Variants in AGAP1 observed in about 807,000 individuals in gnomAD.
AGAP1 encodes the protein arf-GAP with GTPase, ANK repeat and PH domain-containing protein 1.
Under a neutral mutation model 105.3 loss-of-function variants are expected in AGAP1, and 29 were observed. That is an observed-to-expected ratio of 0.28 (90% confidence interval 0.21 to 0.38). The LOEUF (loss-of-function observed/expected upper bound fraction) is 0.38. AGAP1 is among the 10% of genes least tolerant of loss of function. AGAP1 has a pLI of 1.00. For missense variants in AGAP1, 998 were observed against 1,165.1 expected, an observed-to-expected ratio of 0.86 and a Z score of 2.09; for synonymous variants, 509 against 485.9, an observed-to-expected ratio of 1.05 and a Z score of -0.63.
rs1483119224 is a variant in AGAP1, at chr2:235,973,549, A to G, written c.1645+4926A>G. Among the ~76,000 whole-genome samples the G allele has an allele frequency of 6.6e-6, 1 of 152,182 alleles. No individual in the cohort carries two copies. Among genetic ancestry groups the G allele is most frequent in the African/African-American group, 2.4e-5 (1 of 41,462 alleles). Reference sequence around the variant, plus strand: ...AAGCCTATGCATGGAGGGAACGTGCAGTGACCAGAGAGAAGGGTGGTGATG... The same window carrying G: ...AAGCCTATGCATGGAGGGAACGTGCGGTGACCAGAGAGAAGGGTGGTGATG... On this transcript the variant is annotated intron_variant, in intron 13 of 17. Transcript: ENST00000304032. The surrounding 1 kb of genome is among the most constrained non-coding windows in gnomAD (Gnocchi z 4.7).
At chr2:235,498,382 CT>C (rs1335092009) in intron 1 of AGAP1, among the ~76,000 whole-genome samples, 2 of 151,830 alleles carry the variant, frequency 1.3e-5, no homozygotes, top group East Asian at 2.0e-4. Context: ...GATCAGGTTT[CT>C]GGGATGTCCT....
At chr2:235,735,183 G>A (rs988872516) in intron 3 of AGAP1, among the ~76,000 whole-genome samples, 4 of 152,214 alleles carry the variant, frequency 2.6e-5, no homozygotes, top group Admixed American at 6.5e-5. Context: ...GCACACTGTC[G>A]TTGCCATAGC....
chr2:235,528,854 T>A (rs955779223), intron 1 of AGAP1, among the ~76,000 whole-genome samples: 3 of 132,922 alleles, frequency 2.3e-5, no homozygotes, highest in African/African-American at 8.7e-5. Context: ...ATCTTGTATT[T>A]TTAGTACAGA....
chr2:235,911,199 C>T (rs1020812526), intron 11 of AGAP1, among the ~76,000 whole-genome samples: 5 of 151,956 alleles, frequency 3.3e-5, no homozygotes, highest in African/African-American at 1.2e-4. Context: ...TAAATCATGC[C>T]ATTTGTGGAG....
rs1407195690 is a variant in AGAP1 at position 236,009,702 on chromosome 2, A to G, written c.1646-26859A>G. Among the ~76,000 whole-genome samples the G allele has an allele frequency of 6.6e-6, 1 of 152,104 alleles. No individual in the cohort carries two copies. Among genetic ancestry groups the G allele is most frequent in the Non-Finnish European group, 1.5e-5 (1 of 68,022 alleles). On this transcript the variant is annotated intron_variant, in intron 13 of 17. Coordinates refer to ENST00000304032, the MANE Select transcript of AGAP1 (RefSeq NM_001037131.3). The surrounding 1 kb of genome is among the most constrained non-coding windows in gnomAD (Gnocchi z 4.2). ...TCCTCCATGGAGGTAAAAAGATCCTATTAGTTCTCATAATTGATTCTGAGG... is the reference window on the plus strand; with the variant it reads ...TCCTCCATGGAGGTAAAAAGATCCTGTTAGTTCTCATAATTGATTCTGAGG...
Position 235,843,362 on chromosome 2 carries a change from T to C in AGAP1, c.1050+36031T>C, listed in dbSNP as rs917680742. On this transcript the variant is annotated intron_variant, in intron 9 of 17. Transcript: ENST00000304032. The surrounding 1 kb of genome is among the most constrained non-coding windows in gnomAD (Gnocchi z 5.9). Reference sequence around the variant, plus strand: ...CCCACGCTGTGTCCCTTTCTCTTCCTTTCTTTGAGTTCATTTCAGAATTCC... The same window carrying C: ...CCCACGCTGTGTCCCTTTCTCTTCCCTTCTTTGAGTTCATTTCAGAATTCC... Among the ~76,000 whole-genome samples, 3 of 152,160 alleles carry C rather than the reference T, an allele frequency of 2.0e-5. No individual in the cohort carries two copies. The highest frequency in any genetic ancestry group is 7.2e-5 in the African/African-American group (3 of 41,452).
At chr2:235,939,405 A>G (rs1279019966) in intron 12 of AGAP1, among the ~76,000 whole-genome samples, 1 of 150,936 alleles carries the variant, frequency 6.6e-6, no homozygotes, top group Non-Finnish European at 1.5e-5. Context: ...CTTCCAAGGG[A>G]CTCTGCTTCC....
intron 1 of AGAP1, among the ~76,000 whole-genome samples, chr2:235,644,604 G>C (rs1011612853): frequency 1.3e-5 from 2 of 152,144 alleles, no homozygotes; most frequent in African/African-American, 4.8e-5. Flanking sequence ...TCCCTGTTGG[G>C]CTAGCATGAG....
chr2:235,765,789 G>GA (rs1429251238), intron 6 of AGAP1, among the ~76,000 whole-genome samples: 8 of 152,168 alleles, frequency 5.3e-5, no homozygotes, highest in African/African-American at 1.9e-4. Flanking sequence ...TAAACCGTAA[G>GA]AAAAAATATT....
At chr2:235,781,341 C>A (rs913820349) in intron 6 of AGAP1, among the ~76,000 whole-genome samples, 1 of 152,194 alleles carries the variant, frequency 6.6e-6, no homozygotes. Flanking sequence ...GATTCATTCC[C>A]TGGAAATGGA....
At chr2:235,784,689 G>C (rs542874122) in intron 6 of AGAP1, among the ~76,000 whole-genome samples, 23 of 151,232 alleles carry the variant, frequency 1.5e-4, no homozygotes, top group Admixed American at 9.2e-4. Flanking sequence ...AATTTACCTG[G>C]TTTATATGTT....
intron 15 of AGAP1, among the ~76,000 whole-genome samples, chr2:236,047,948 A>T (rs1016910393): frequency 6.6e-6 from 1 of 152,062 alleles, no homozygotes; most frequent in Non-Finnish European, 1.5e-5. Flanking sequence ...CTTCTTGCAT[A>T]TGTAGTAGAT....
intron 6 of AGAP1, chr2:235,774,542 G>C (rs141910814): frequency 1.0e-3 from 324 of 324,938 alleles, no homozygotes; most frequent in Non-Finnish European, 1.6e-3. Flanking sequence ...ATAGGAAAGC[G>C]ATCAAGGACT....
At chr2:235,859,461 A>G (rs371050773) in intron 9 of AGAP1, among the ~76,000 whole-genome samples, 1 of 136,242 alleles carries the variant, frequency 7.3e-6, no homozygotes, top group Non-Finnish European at 1.5e-5. Flanking sequence ...TAAAAACGAC[A>G]CACTATTTTG....
rs1193241899 is a variant in AGAP1, at chr2:236,029,679, C to CTTCTTT, written c.1646-6868_1646-6863dup. Reference sequence around the variant, plus strand: ...GCAGAAAAATATATTTTGTTCTTTCCTTCTTTTTCTTTTTCTTTTCTCTTT... The same window carrying CTTCTTT: ...GCAGAAAAATATATTTTGTTCTTTCCTTCTTTTTCTTTTTCTTTTTCTTTTCTCTTT... On this transcript the variant is annotated intron_variant, in intron 13 of 17. Coordinates refer to ENST00000304032, the MANE Select transcript of AGAP1 (RefSeq NM_001037131.3). Among the ~76,000 whole-genome samples, 8 of 152,060 alleles carry CTTCTTT rather than the reference C, an allele frequency of 5.3e-5. No individual in the cohort carries two copies. The East Asian group carries it at 7.7e-4, about 15-fold the overall frequency.
rs780071325 is a variant in AGAP1, at chr2:235,610,379, C to T, written c.164-98800C>T. Among the ~76,000 whole-genome samples, 14 of 152,160 alleles carry T rather than the reference C, an allele frequency of 9.2e-5. No individual in the cohort carries two copies. The highest frequency in any genetic ancestry group is 1.9e-4 in the Non-Finnish European group (13 of 68,036). On this transcript the variant is annotated intron_variant, in intron 1 of 17. Coordinates refer to ENST00000304032, the MANE Select transcript of AGAP1 (RefSeq NM_001037131.3). This position sits in a 1 kb window ranked among gnomAD's most constrained non-coding sequence, Gnocchi z 4.9. ...CTTAAACCACAGAAATGCATTTTCT[C>T]ACAGTTCTAGAGGCTGGAAGTCCAA...
chr2:235,833,460 G>A (rs1342255223), intron 9 of AGAP1, among the ~76,000 whole-genome samples: 1 of 152,110 alleles, frequency 6.6e-6, no homozygotes, highest in African/African-American at 2.4e-5. Flanking sequence ...CCCTGTTCAA[G>A]TTCACTCTCT....
At chr2:235,935,039 A>G (rs746178799) in intron 12 of AGAP1, among the ~76,000 whole-genome samples, 7 of 152,200 alleles carry the variant, frequency 4.6e-5, no homozygotes, top group East Asian at 1.9e-4. Flanking sequence ...GGGGCAACCT[A>G]CAAAACAGGA....
rs1040576057 is a variant in AGAP1 at position 235,879,259 on chromosome 2, T to G, written c.1051-4086T>G. 6.6e-6 allele frequency among the ~76,000 whole-genome samples: 1 copy of G among 152,198 alleles called. No individual in the cohort carries two copies. The highest frequency in any genetic ancestry group is 1.5e-5 in the Non-Finnish European group (1 of 67,980). On this transcript the variant is annotated intron_variant, in intron 9 of 17. Transcript: ENST00000304032. This position sits in a 1 kb window ranked among gnomAD's most constrained non-coding sequence, Gnocchi z 5.0. The stretch of plus-strand genomic sequence containing the variant: ...AGCCGGGCTGAGCATGGGGTAGTGC[T>G]CCAGCCACTGAAAGAAAAGTGCACC...
Sources: allele counts gnomAD v4.1 joint callset (sites outside exome capture counted in the v4.1 genomes callset), GRCh38; gene constraint gnomAD v4.1.1; non-coding constraint Gnocchi (gnomAD v3.1); transcripts MANE v1.5; gene names NCBI Gene and HGNC (gene_info 2026-07-23, HGNC 2026-07-21).